Variants in CRBN observed in about 807,000 individuals in gnomAD.
CRBN encodes the protein cereblon.
In CRBN, 53 loss-of-function variants were observed where a neutral mutation model predicts 62.2. The ratio of observed to expected loss-of-function variants is 0.85; its 90% CI spans 0.68 to 1.07. The LOEUF is 1.07. Among genes scored for constraint, CRBN ranks in the 50% least tolerant of loss-of-function variants. The pLI, the probability that CRBN is intolerant of heterozygous loss-of-function variation, is 0.00. For missense variants in CRBN, 616 were observed against 531.1 expected (o/e 1.16, Z -1.57); for synonymous variants, 208 against 176.1 (o/e 1.18, Z -1.43).
chr3:3,159,336 G>A (rs1040877572), intron 5 of CRBN, among the ~76,000 whole-genome samples: 1 of 151,942 alleles, frequency 6.6e-6, no homozygotes, highest in Non-Finnish European at 1.5e-5. Flanking sequence ...AAATGACAAA[G>A]ACCCAACTGA....
intron 1 of CRBN, 107 bp from the exon 2 acceptor site, chr3:3,175,376 G>A: frequency 1.2e-6 from 1 of 828,672 alleles, no homozygotes; most frequent in Non-Finnish European, 2.0e-6. Context: ...CATGCATTTG[G>A]TAAACTCTAC....
At chr3:3,152,220 G>A (rs529477158) in intron 10 of CRBN, among the ~76,000 whole-genome samples, 1 of 149,768 alleles carries the variant, frequency 6.7e-6, no homozygotes, top group African/African-American at 2.5e-5. Flanking sequence ...GCACAATCTT[G>A]GCTCACTGCA....
At position 3,174,042 on chromosome 3, in the gene CRBN, G is replaced by T. The variant is rs2126068407; in HGVS notation, c.377+17C>A. The T allele has an allele frequency of 1.2e-6, 2 of 1,602,376 alleles. No homozygotes were observed. Among genetic ancestry groups the T allele is most frequent in the Non-Finnish European group, 1.7e-6 (2 of 1,169,538 alleles). On this transcript the variant is annotated intron_variant, in intron 3 of 10. Coordinates refer to ENST00000231948, the MANE Select transcript of CRBN (RefSeq NM_016302.4). ...ATGAGAGGGAATGTATTAAGCAAAT[G>T]GACTCTAATATTTTACCTGTATGCA...
chr3:3,179,591 C>G, intron 1 of CRBN, 30 bp downstream of exon 1: 2 of 1,609,396 alleles, frequency 1.2e-6, no homozygotes, highest in Non-Finnish European at 1.7e-6. Flanking sequence ...GCCCCACTCC[C>G]GACTACAGGG....
chr3:3,156,146 CTT>C, intron 6 of CRBN, 71 bp downstream of exon 6: 2 of 1,295,016 alleles, frequency 1.5e-6, no homozygotes, highest in Non-Finnish European at 2.2e-6. Context: ...AAAACTAAAC[CTT>C]TGTTTTTTAA....
At chr3:3,161,062 C>T (rs1014284314) in intron 5 of CRBN, among the ~76,000 whole-genome samples, 9 of 152,104 alleles carry the variant, frequency 5.9e-5, no homozygotes, top group African/African-American at 2.4e-5. Context: ...TGCATGGGAA[C>T]GTCATTTTTG....
chr3:3,176,163 G>C (rs143064132), intron 1 of CRBN, among the ~76,000 whole-genome samples: 1 of 152,262 alleles, frequency 6.6e-6, no homozygotes, highest in East Asian at 1.9e-4. Context: ...CTATATGGGA[G>C]ATTTTTCTCT....
chr3:3,157,286 A>C (rs1706935193), intron 5 of CRBN, among the ~76,000 whole-genome samples: 1 of 152,256 alleles, frequency 6.6e-6, no homozygotes, highest in Non-Finnish European at 1.5e-5. Flanking sequence ...AAGTGATCAA[A>C]GAACAAGGTA....
rs75660386 is a variant in CRBN, at chr3:3,165,670, T to C, written c.687+1964A>G. On this transcript the variant is annotated intron_variant, in intron 5 of 10. Transcript: ENST00000231948. ...GTATTGTGTGAATAAAACTTTTATA[T>C]GCAGTGGGAAACCAAAAAACTCATG... Among the ~76,000 whole-genome samples the C allele has an allele frequency of 5.3e-5, 8 of 152,338 alleles. No homozygotes were observed. The East Asian group carries it at 1.5e-3, about 29-fold the overall frequency.
rs551912517 is a variant in CRBN, at chr3:3,162,521, G to A, written c.687+5113C>T. On this transcript the variant is annotated intron_variant, in intron 5 of 10. Transcript: ENST00000231948. ...CTAACTCCTTAATCATGAGAGACAC[G>A]TGCTGAATCTTCTCTAATGCTTCCT... 6.8e-4 allele frequency among the ~76,000 whole-genome samples: 104 copies of A among 152,270 alleles called. 1 individual carries two copies. The highest frequency in any genetic ancestry group is 6.8e-3 in the Middle Eastern group (2 of 294).
chr3:3,154,588 C>G, intron 7 of CRBN, 159 bp downstream of exon 7: 2 of 481,686 alleles, frequency 4.2e-6, no homozygotes, highest in East Asian at 6.6e-5. Flanking sequence ...TTAAAATACT[C>G]ATTTTTTTTC....
At chr3:3,167,543 T>C in intron 5 of CRBN, 91 bp downstream of exon 5, 3 of 1,271,788 alleles carry the variant, frequency 2.4e-6, no homozygotes, top group East Asian at 2.3e-5. Context: ...GGCTGGGTAA[T>C]GAATCATGAA....
At chr3:3,179,507 G>A in intron 1 of CRBN, 114 bp downstream of exon 1, 1 of 1,012,760 alleles carries the variant, frequency 9.9e-7, no homozygotes, top group Non-Finnish European at 1.5e-6. Flanking sequence ...GGCCCTGCTG[G>A]GCTGGCTCGC....
In CRBN at chr3:3,150,594, CCAGACATAT is replaced by C; in HGVS notation, c.*262_*270del. On this transcript the variant is annotated 3_prime_UTR_variant, in exon 11 of 11. Transcript: ENST00000231948. ...TTCATGTCCCATCAATGACATGCTA[CCAGACATAT>C]CAGATTCCACAGGATAATGGCACCA... 1 of 359,476 alleles carries C rather than the reference CCAGACATAT, an allele frequency of 2.8e-6. No individual in the cohort carries two copies. Among genetic ancestry groups the C allele is most frequent in the Non-Finnish European group, 5.3e-6 (1 of 189,304 alleles). The allele number at this position is 359,476 out of a possible 1,614,324, so 22.3% of individuals were successfully genotyped here. A position where few individuals can be genotyped will look rare whatever the true frequency, so the allele number is the denominator to read the frequency against.
intron 2 of CRBN, among the ~76,000 whole-genome samples, chr3:3,174,889 A>G (rs1369401644): frequency 6.6e-6 from 1 of 152,214 alleles, no homozygotes; most frequent in Non-Finnish European, 1.5e-5. Context: ...TATGTTCAAT[A>G]ACACTCTAGT....
intron 8 of CRBN, 75 bp from the exon 9 acceptor site, chr3:3,153,563 A>T (rs1284627068): frequency 3.5e-6 from 3 of 845,788 alleles, no homozygotes; most frequent in Non-Finnish European, 6.2e-6. Context: ...ATAGATCATC[A>T]AGAAACTTAC....
chr3:3,153,667 G>C (rs6793531), intron 8 of CRBN, 179 bp from the exon 9 acceptor site: 2 of 627,766 alleles, frequency 3.2e-6, no homozygotes, highest in East Asian at 5.5e-5. Context: ...CTGAAACTGA[G>C]ATCTGCCACA....
chr3:3,179,710 C>T (rs759593051), upstream of CRBN: 23 of 1,610,348 alleles, frequency 1.4e-5, no homozygotes, highest in Non-Finnish European at 2.0e-5. Flanking sequence ...GCAAAGGAGG[C>T]TGGGACAGGG....
intron 4 of CRBN, chr3:3,172,516 T>C (rs1487159318): frequency 6.1e-6 from 3 of 489,706 alleles, no homozygotes; most frequent in East Asian, 3.7e-5. Context: ...CTGAAAATCA[T>C]TTTTAAAAGA....
Sources: gnomAD v4.1 joint callset for allele counts (sites outside exome capture counted in the v4.1 genomes callset) on GRCh38, gnomAD v4.1.1 for gene constraint, MANE v1.5 for transcripts, NCBI Gene and HGNC (gene_info 2026-07-23, HGNC 2026-07-21) for gene names.